TCF4: variants seen among roughly 807,000 people sequenced by gnomAD.
The protein encoded by TCF4 is SL3-3 enhancer factor 2.
A neutral mutation model predicts 82.1 loss-of-function variants in TCF4; 3 were observed. The observed-to-expected ratio is 0.04, with a 90% CI of 0.02 to 0.09. The LOEUF (loss-of-function observed/expected upper bound fraction) is 0.09. Ranked by LOEUF, TCF4 falls within the 10% of genes least tolerant of loss-of-function variation. The pLI is 1.00. For missense variants in TCF4, 518 were observed against 852.7 expected, an observed-to-expected ratio of 0.61 and a Z score of 4.89; for synonymous variants, 276 against 309.6, an observed-to-expected ratio of 0.89 and a Z score of 1.14.
chr18:55,383,419 C>T (rs1360357912), intron 6 of TCF4, among the ~76,000 whole-genome samples: 5 of 152,082 alleles, frequency 3.3e-5, no homozygotes, highest in African/African-American at 7.2e-5. Context: ...CCTAGGATAC[C>T]ACTAAATCAC....
At chr18:55,373,696 C>T (rs1483249530) in intron 6 of TCF4, among the ~76,000 whole-genome samples, 2 of 151,876 alleles carry the variant, frequency 1.3e-5, no homozygotes, top group African/African-American at 4.8e-5. Context: ...GCTTGTGATC[C>T]CAGCTACTTG....
intron 6 of TCF4, among the ~76,000 whole-genome samples, chr18:55,389,588 GA>G (rs375998837): frequency 6.6e-6 from 1 of 152,312 alleles, no homozygotes; most frequent in East Asian, 1.9e-4. Flanking sequence ...AAGACAGAGA[GA>G]ACCGTGAAAG....
At chr18:55,292,696 A>ATGTGTGTGTGTG (rs35399017) in intron 8 of TCF4, among the ~76,000 whole-genome samples, 2 of 151,074 alleles carry the variant, frequency 1.3e-5, no homozygotes, top group African/African-American at 4.9e-5. Context: ...ATAGACATGA[A>ATGTGTGTGTGTG]TGTGTGTGTG....
At chr18:55,307,220 C>T (rs1362245245) in intron 8 of TCF4, among the ~76,000 whole-genome samples, 1 of 152,204 alleles carries the variant, frequency 6.6e-6, no homozygotes, top group Non-Finnish European at 1.5e-5. Flanking sequence ...TAAGAAAACA[C>T]TGCTTTAAAA....
chr18:55,632,240 A>G (rs1398473358), intron 1 of TCF4, among the ~76,000 whole-genome samples: 1 of 152,030 alleles, frequency 6.6e-6, no homozygotes, highest in Non-Finnish European at 1.5e-5. Context: ...GGGTTTCACC[A>G]TGTTAGCCAG....
intron 15 of TCF4, among the ~76,000 whole-genome samples, chr18:55,242,702 C>T (rs562540178): frequency 1.3e-5 from 2 of 152,038 alleles, no homozygotes; most frequent in East Asian, 1.9e-4. Flanking sequence ...CTCCGCCTCC[C>T]GGGTTCAAGC....
In TCF4 at chr18:55,226,169, T is replaced by C. The variant is rs1019126898; in HGVS notation, c.*1866A>G. Reference sequence around the variant, plus strand: ...AAAATTTACAAATGTATTTCATTACTATATAACTGGCAAAACAGGAGAACA... The same window carrying C: ...AAAATTTACAAATGTATTTCATTACCATATAACTGGCAAAACAGGAGAACA... On this transcript the variant is annotated 3_prime_UTR_variant, in exon 20 of 20. Coordinates refer to ENST00000354452, the MANE Select transcript of TCF4 (RefSeq NM_001083962.2). 2 of 152,628 alleles carry C rather than the reference T, an allele frequency of 1.3e-5. No homozygotes were observed. The highest frequency in any genetic ancestry group is 2.9e-5 in the Non-Finnish European group (2 of 68,012). 9.5% of individuals were successfully genotyped at this position (152,628 alleles called of 1,614,324 possible).
intron 14 of TCF4, 33 bp downstream of exon 14, chr18:55,257,282 T>C (rs771977504): frequency 1.9e-6 from 3 of 1,600,800 alleles, no homozygotes; most frequent in Non-Finnish European, 2.6e-6. Flanking sequence ...GACCTGAAAA[T>C]GGGTGGGACA....
At chr18:55,507,445 G>A (rs2096775383) in intron 3 of TCF4, among the ~76,000 whole-genome samples, 1 of 151,956 alleles carries the variant, frequency 6.6e-6, no homozygotes. Flanking sequence ...ATCAAATGGC[G>A]AGCAATTTAG....
In TCF4 at chr18:55,312,133, T is replaced by A. The variant is rs2072672265; in HGVS notation, c.550-32477A>T. On this transcript the variant is annotated intron_variant, in intron 8 of 19. Transcript: ENST00000354452. Reference sequence around the variant, plus strand: ...GCCATATATTTTATATACTACATCATCTAACTCGAAACAGGAAAATATCTT... The same window carrying A: ...GCCATATATTTTATATACTACATCAACTAACTCGAAACAGGAAAATATCTT... Among the ~76,000 whole-genome samples the A allele has an allele frequency of 2.0e-5, 3 of 152,196 alleles. No homozygotes were observed. In the South Asian group the frequency reaches 6.2e-4, roughly 32 times the overall value.
At chr18:55,302,355 C>T (rs2068588860) in intron 8 of TCF4, 9 of 1,451,884 alleles carry the variant, frequency 6.2e-6, no homozygotes, top group Middle Eastern at 1.8e-4. Flanking sequence ...ACAGTGCAGC[C>T]CAAGAGGTGT....
chr18:55,412,855 A>C (rs2094401839), intron 5 of TCF4, among the ~76,000 whole-genome samples: 1 of 152,212 alleles, frequency 6.6e-6, no homozygotes, highest in Non-Finnish European at 1.5e-5. Context: ...GTTCCACCAG[A>C]GTCTTAGCAA....
chr18:55,406,307 C>A (rs2094085409), intron 5 of TCF4, among the ~76,000 whole-genome samples: 1 of 151,954 alleles, frequency 6.6e-6, no homozygotes, highest in South Asian at 2.1e-4. Context: ...TAAATCTGCC[C>A]TCAGAGCCAG....
chr18:55,403,124 AT>A (rs1474095262), intron 6 of TCF4, among the ~76,000 whole-genome samples: 1 of 152,186 alleles, frequency 6.6e-6, no homozygotes, highest in Non-Finnish European at 1.5e-5. Context: ...TGCGTAAGAA[AT>A]TCTTAAGTTC....
intron 6 of TCF4, among the ~76,000 whole-genome samples, chr18:55,372,358 G>C (rs1482422877): frequency 6.6e-6 from 1 of 152,004 alleles, no homozygotes; most frequent in African/African-American, 2.4e-5. Flanking sequence ...GCTAAATCTA[G>C]GATGCTCCAA....
chr18:55,603,983 G>C (rs1196241393), intron 2 of TCF4, among the ~76,000 whole-genome samples: 1 of 152,078 alleles, frequency 6.6e-6, no homozygotes, highest in Non-Finnish European at 1.5e-5. Context: ...CGTGTCTTTG[G>C]AGCTCCCTAC....
intron 2 of TCF4, among the ~76,000 whole-genome samples, chr18:55,607,350 A>G (rs925517944): frequency 1.1e-4 from 16 of 152,236 alleles, no homozygotes. Flanking sequence ...GAATTTTAAG[A>G]TAAATTTTCC....
rs140931848 is a variant in TCF4, at chr18:55,332,739, T to C, written c.549+17620A>G. ...TTGTGAATTTTTCAACCTCGAACTT[T>C]AAGCTGATTCAGTGCCAAGTGAGTG... On this transcript the variant is annotated intron_variant, in intron 8 of 19. Coordinates refer to ENST00000354452, the MANE Select transcript of TCF4 (RefSeq NM_001083962.2). Among the ~76,000 whole-genome samples the C allele has an allele frequency of 1.1e-4, 16 of 152,364 alleles. No individual in the cohort carries two copies. In the East Asian group the frequency reaches 1.5e-3, roughly 15 times the overall value.
At chr18:55,599,503 T>A (rs1192620716) in intron 2 of TCF4, among the ~76,000 whole-genome samples, 2 of 152,126 alleles carry the variant, frequency 1.3e-5, no homozygotes, top group Non-Finnish European at 2.9e-5. Context: ...GGCAGATCAC[T>A]TGAGGCCAGG....
Sources: allele counts gnomAD v4.1 joint callset (sites outside exome capture counted in the v4.1 genomes callset), GRCh38; gene constraint gnomAD v4.1.1; transcripts MANE v1.5; gene names NCBI Gene and HGNC (gene_info 2026-07-23, HGNC 2026-07-21).